Variants in ELAVL4 observed in about 807,000 individuals in gnomAD.
The protein encoded by ELAVL4 is ELAV-like protein 4.
A neutral mutation model predicts 35.6 loss-of-function variants in ELAVL4; 1 was observed. That is an observed-to-expected ratio of 0.03 (90% CI 0.01 to 0.13). The LOEUF is 0.13. Ranked by LOEUF, ELAVL4 falls within the 10% of genes least tolerant of loss-of-function variation. The probability of loss-of-function intolerance (pLI) is 1.00; values close to 1 mark genes in which losing one functional copy is unlikely to be tolerated. For synonymous variants in ELAVL4, 156 were observed against 171.0 expected (o/e 0.91, Z 0.69); for missense variants, 267 against 464.9 (o/e 0.57, Z 3.91).
intron 2 of ELAVL4, among the ~76,000 whole-genome samples, chr1:50,151,779 A>G (rs1210584078): frequency 6.6e-6 from 1 of 152,206 alleles, no homozygotes; most frequent in African/African-American, 2.4e-5. Context: ...CTGCAGTCAT[A>G]CATATTCTAC....
At chr1:50,118,190 C>T (rs983798964) in intron 1 of ELAVL4, among the ~76,000 whole-genome samples, 2 of 152,106 alleles carry the variant, frequency 1.3e-5, no homozygotes, top group East Asian at 1.9e-4. Context: ...TCCCAGAAAC[C>T]AACTTACTTC....
intron 1 of ELAVL4, among the ~76,000 whole-genome samples, chr1:50,136,922 G>T (rs1321410282): frequency 1.3e-5 from 2 of 152,142 alleles, no homozygotes; most frequent in Non-Finnish European, 2.9e-5. Context: ...ACTGAGTTCT[G>T]TATCAGGTCA....
intron 1 of ELAVL4, among the ~76,000 whole-genome samples, chr1:50,056,024 G>A (rs375129971): frequency 5.9e-5 from 9 of 152,236 alleles, no homozygotes; most frequent in African/African-American, 2.2e-4. Flanking sequence ...TGGGTTAGTT[G>A]GCTCTGCTGC....
chr1:50,069,060 A>G (rs897094350), intron 1 of ELAVL4, among the ~76,000 whole-genome samples: 3 of 152,212 alleles, frequency 2.0e-5, no homozygotes, highest in Non-Finnish European at 2.9e-5. Flanking sequence ...CTCTAAGTCC[A>G]TGCTCTTTCT....
chr1:50,198,278 C>T (rs987626443), intron 6 of ELAVL4, among the ~76,000 whole-genome samples: 2 of 152,190 alleles, frequency 1.3e-5, no homozygotes, highest in African/African-American at 2.4e-5. Context: ...TGTGATGTCA[C>T]TGTGTCCATG....
chr1:50,067,346 A>C (rs532608325), intron 1 of ELAVL4, among the ~76,000 whole-genome samples: 1 of 152,220 alleles, frequency 6.6e-6, no homozygotes, highest in Non-Finnish European at 1.5e-5. Context: ...GCAGAGGAAC[A>C]AGTAGGGAAC....
At chr1:50,191,275 CTA>C (rs1266744304) in intron 3 of ELAVL4, among the ~76,000 whole-genome samples, 1 of 152,162 alleles carries the variant, frequency 6.6e-6, no homozygotes, top group East Asian at 1.9e-4. Context: ...GAGAAGGCCT[CTA>C]TGTGAGGTCT....
At chr1:50,109,796 C>T (rs1666750255) in intron 1 of ELAVL4, 2 of 927,058 alleles carry the variant, frequency 2.2e-6, no homozygotes, top group Admixed American at 2.2e-5. Flanking sequence ...GAGGAGGCGG[C>T]TTGTATGTGT....
chr1:50,133,651 G>GAAAGAAAGAAAGAGAAAGAA (rs1386510703), intron 1 of ELAVL4, among the ~76,000 whole-genome samples: 7 of 91,882 alleles, frequency 7.6e-5, no homozygotes, highest in African/African-American at 2.6e-4. Flanking sequence ...AAGAAAGAAA[G>GAAAGAAAGAAAGAGAAAGAA]AGAAAGAAAG....
intron 2 of ELAVL4, among the ~76,000 whole-genome samples, chr1:50,152,791 G>A (rs1675022334): frequency 2.0e-5 from 3 of 152,098 alleles, no homozygotes; most frequent in Admixed American, 2.0e-4. Flanking sequence ...CCAAAATTGA[G>A]CTTTGATAGG....
chr1:50,105,379 T>C (rs1379597986), upstream of ELAVL4, among the ~76,000 whole-genome samples: 4 of 152,240 alleles, frequency 2.6e-5, no homozygotes, highest in East Asian at 7.7e-4. Context: ...TTGTGTTTCA[T>C]TCTTCGCAGT....
intron 3 of ELAVL4, among the ~76,000 whole-genome samples, chr1:50,181,844 C>T (rs910358374): frequency 5.9e-5 from 9 of 152,110 alleles, no homozygotes; most frequent in African/African-American, 9.7e-5. Flanking sequence ...CTACCACGCC[C>T]GGCTAATTTT....
chr1:50,049,948 G>A (rs1285742479), intron 1 of ELAVL4, among the ~76,000 whole-genome samples: 1 of 152,158 alleles, frequency 6.6e-6, no homozygotes, highest in Non-Finnish European at 1.5e-5. Context: ...GTTAGAGCTG[G>A]TGGCCTTACT....
Position 50,201,252 on chromosome 1 carries a change from T to G in ELAVL4, c.*74T>G. On this transcript the variant is annotated 3_prime_UTR_variant, in exon 7 of 7. Transcript: ENST00000371824. This position sits in a 1 kb window ranked among gnomAD's most constrained non-coding sequence, Gnocchi z 4.3. ...AAACACACGCGCGCACACACACACA[T>G]ACACGAAAGAGAGAGAAACAAACTT... 3 of 1,404,518 alleles carry G rather than the reference T, an allele frequency of 2.1e-6. No homozygotes were observed. The highest frequency in any genetic ancestry group is 2.6e-5 in the East Asian group (1 of 39,046). The allele number at this position is 1,404,518 out of a possible 1,614,324, so 87.0% of individuals were successfully genotyped here.
intron 1 of ELAVL4, among the ~76,000 whole-genome samples, chr1:50,093,748 C>T (rs1665594272): frequency 6.6e-6 from 1 of 152,190 alleles, no homozygotes; most frequent in African/African-American, 2.4e-5. Context: ...CTGGACACTT[C>T]AGGGACCCGT....
chr1:50,169,127 G>A (rs1366659320), intron 2 of ELAVL4, among the ~76,000 whole-genome samples: 1 of 152,004 alleles, frequency 6.6e-6, no homozygotes, highest in Non-Finnish European at 1.5e-5. Context: ...GATGTTCAAG[G>A]GCAGGAAGCA....
At chr1:50,055,265 ATTTGT>A (rs1663593686) in intron 1 of ELAVL4, among the ~76,000 whole-genome samples, 1 of 151,440 alleles carries the variant, frequency 6.6e-6, no homozygotes, top group African/African-American at 2.4e-5. Flanking sequence ...AGCATGATCA[ATTTGT>A]TTTGTTTTTT....
At chr1:50,141,072 A>C (rs144122835) in intron 1 of ELAVL4, among the ~76,000 whole-genome samples, 1 of 152,318 alleles carries the variant, frequency 6.6e-6, no homozygotes, top group Non-Finnish European at 1.5e-5. Flanking sequence ...GTTACTTCAC[A>C]GGCCTTCCTG....
intron 1 of ELAVL4, among the ~76,000 whole-genome samples, chr1:50,066,450 A>C (rs1222525596): frequency 6.6e-6 from 1 of 152,046 alleles, no homozygotes; most frequent in Non-Finnish European, 1.5e-5. Context: ...TGTTCTACCC[A>C]TATGCAGAGA....
Sources: allele counts gnomAD v4.1 joint callset (sites outside exome capture counted in the v4.1 genomes callset), GRCh38; gene constraint gnomAD v4.1.1; non-coding constraint Gnocchi (gnomAD v3.1); transcripts MANE v1.5; gene names NCBI Gene and HGNC (gene_info 2026-07-23, HGNC 2026-07-21).